The following MGAT4C variants were observed in gnomAD, a reference collection of about 807,000 sequenced individuals.
The protein encoded by MGAT4C is MGAT4 family member C.
MGAT4C carries 19 observed loss-of-function variants against 40.1 expected under a neutral mutation model. The observed-to-expected ratio is 0.47, with a 90% CI of 0.33 to 0.70. MGAT4C has a LOEUF of 0.70. Among genes scored for constraint, MGAT4C ranks in the 30% least tolerant of loss-of-function variants. The pLI is 0.02. For synonymous variants in MGAT4C, 181 were observed against 187.1 expected (o/e 0.97, Z 0.27); for missense variants, 491 against 563.2 (o/e 0.87, Z 1.30).
In MGAT4C at chr12:86,791,854, A is replaced by G. The variant is rs79880375; in HGVS notation, c.-262+46812T>C. 1.8e-3 allele frequency among the ~76,000 whole-genome samples: 279 copies of G among 152,326 alleles called. 4 individuals are homozygous for G. In the East Asian group the frequency reaches 0.039, roughly 21 times the overall value. On this transcript the variant is annotated intron_variant, in intron 1 of 7. Coordinates refer to the MGAT4C transcript ENST00000548651. ...TCCAGATGGAATTTGCCTAATAGCA[A>G]GAGAAGAACCCAACTTCATGGCTGG... is the stretch of plus-strand genomic sequence containing the variant.
rs192020425 is a variant in MGAT4C, at chr12:86,815,912, G to T, written c.-262+22754C>A. On this transcript the variant is annotated intron_variant, in intron 1 of 7. Transcript: ENST00000548651. ...ATGGAGCAGTGTATACTCCTTAGGC[G>T]ATGGGTGCAGCAAAATATCACAAAT... Among the ~76,000 whole-genome samples the T allele has an allele frequency of 5.7e-4, 87 of 151,904 alleles. 1 individual carries two copies. Among genetic ancestry groups the T allele is most frequent in the Non-Finnish European group, 8.8e-5 (6 of 67,912 alleles).
chr12:86,730,511 G>T (rs1014613276), intron 1 of MGAT4C, among the ~76,000 whole-genome samples: 2 of 152,002 alleles, frequency 1.3e-5, no homozygotes, highest in South Asian at 2.1e-4. Flanking sequence ...TAGGATAAAA[G>T]GAATCAGCTT....
chr12:86,584,050 C>CAAGAT (rs1960901712), intron 2 of MGAT4C, among the ~76,000 whole-genome samples: 1 of 150,562 alleles, frequency 6.6e-6, no homozygotes, highest in Admixed American at 6.7e-5. Context: ...TAAGGAATAA[C>CAAGAT]AAGGACGATA....
intron 1 of MGAT4C, among the ~76,000 whole-genome samples, chr12:86,176,433 A>G (rs1887439684): frequency 6.6e-6 from 1 of 152,140 alleles, no homozygotes; most frequent in Admixed American, 6.5e-5. Context: ...CTGTGCATAC[A>G]TATGTCCCAA....
At chr12:86,685,527 T>G (rs1237564776) in intron 2 of MGAT4C, among the ~76,000 whole-genome samples, 1 of 152,206 alleles carries the variant, frequency 6.6e-6, no homozygotes, top group Non-Finnish European at 1.5e-5. Flanking sequence ...CTTTTTTGGT[T>G]CCATATGAAA....
At chr12:86,217,533 T>C (rs1950720103) in intron 1 of MGAT4C, among the ~76,000 whole-genome samples, 1 of 152,190 alleles carries the variant, frequency 6.6e-6, no homozygotes, top group Non-Finnish European at 1.5e-5. Flanking sequence ...AATTGTACTA[T>C]GAGAAAGCAC....
chr12:85,968,591 G>A lies in MGAT4C; in HGVS notation c.*10698C>T, dbSNP rs191394482. On this transcript the variant is annotated 3_prime_UTR_variant, in exon 5 of 5. Transcript: ENST00000611864. ...CAGAATAATCTACGCTTGTCATCAT[G>A]TTTTCTAATCTATAATCTTTCAAAC... 3.3e-5 allele frequency: 5 copies of A among 152,052 alleles called. No individual in the cohort carries two copies. The highest frequency in any genetic ancestry group is 1.2e-4 in the African/African-American group (5 of 41,528). 9.4% of individuals were successfully genotyped at this position (152,052 alleles called of 1,614,324 possible).
chr12:86,630,672 T>C (rs1475737898), intron 2 of MGAT4C, among the ~76,000 whole-genome samples: 2 of 152,222 alleles, frequency 1.3e-5, no homozygotes, highest in Admixed American at 6.5e-5. Context: ...TCTCAATAGA[T>C]GCAGAGGAGG....
intron 1 of MGAT4C, among the ~76,000 whole-genome samples, chr12:86,771,897 G>T (rs1951646874): frequency 6.6e-6 from 1 of 151,938 alleles, no homozygotes; most frequent in Admixed American, 6.6e-5. Flanking sequence ...TTATAAATTT[G>T]GATATTTAGC....
rs552299272 is a variant in MGAT4C, at chr12:86,817,274, ATATT to A, written c.-262+21388_-262+21391del. ...ATTCACTTCACTTTTGATTGATAGAATATTTAAATTGTTTATTATTTTAACATAA... is the reference window on the plus strand; with the variant it reads ...ATTCACTTCACTTTTGATTGATAGAATAAATTGTTTATTATTTTAACATAA... On this transcript the variant is annotated intron_variant, in intron 1 of 7. Transcript: ENST00000548651. Among the ~76,000 whole-genome samples, 559 of 151,594 alleles carry A rather than the reference ATATT, an allele frequency of 3.7e-3. 1 individual carries two copies. Among genetic ancestry groups the A allele is most frequent in the African/African-American group, 0.013 (547 of 41,508 alleles).
chr12:86,739,819 CGTGT>C (rs981864521), intron 1 of MGAT4C, among the ~76,000 whole-genome samples: 1 of 150,018 alleles, frequency 6.7e-6, no homozygotes, highest in South Asian at 2.1e-4. Context: ...TGTGTGTGTG[CGTGT>C]GTGTGTATAT....
intron 2 of MGAT4C, among the ~76,000 whole-genome samples, chr12:86,526,275 A>G (rs1326666983): frequency 6.6e-6 from 1 of 151,996 alleles, no homozygotes; most frequent in Non-Finnish European, 1.5e-5. Context: ...TCCAACTGCC[A>G]TTGGTTGGTA....
intron 2 of MGAT4C, among the ~76,000 whole-genome samples, chr12:86,700,170 CAGACAGACAGATAGATAGATAGATAGAT>C (rs1248520257): frequency 9.6e-5 from 13 of 135,810 alleles, no homozygotes; most frequent in East Asian, 6.7e-4. Context: ...GACAGACAGA[CAGACAGACAGATAGATAGATAGATAGAT>C]AGATAGATAG....
At chr12:85,989,025 T>C (rs1009805507) in intron 3 of MGAT4C, among the ~76,000 whole-genome samples, 5 of 152,066 alleles carry the variant, frequency 3.3e-5, no homozygotes, top group African/African-American at 7.2e-5. Flanking sequence ...AGTGATAATA[T>C]AGAAAAGTAG....
chr12:86,590,251 TTGAAGCTCAGAGAAATTTTAAG>T, intron 2 of MGAT4C, among the ~76,000 whole-genome samples: 1 of 4,758 alleles, frequency 2.1e-4, no homozygotes, highest in Non-Finnish European at 1.1e-3. Flanking sequence ...AAGGATGAAA[TTGAAGCTCAGAGAAATTTTAAG>T]AATTTCCCTG....
intron 4 of MGAT4C, among the ~76,000 whole-genome samples, chr12:86,291,136 A>G (rs1375778391): frequency 6.6e-6 from 1 of 152,222 alleles, no homozygotes; most frequent in Non-Finnish European, 1.5e-5. Context: ...TGACAGCAAG[A>G]TAGCAAAGAA....
At chr12:86,835,722 A>G (rs900773423) in intron 1 of MGAT4C, among the ~76,000 whole-genome samples, 1 of 151,974 alleles carries the variant, frequency 6.6e-6, no homozygotes, top group Non-Finnish European at 1.5e-5. Flanking sequence ...TCACTTTTCA[A>G]TTTTATCTAT....
chr12:86,300,612 C>G (rs971239416), intron 4 of MGAT4C, among the ~76,000 whole-genome samples: 1 of 152,128 alleles, frequency 6.6e-6, no homozygotes, highest in African/African-American at 2.4e-5. Context: ...TAAGCAGCTT[C>G]AAGTTACATA....
chr12:86,699,676 A>G (rs2136611775), intron 2 of MGAT4C, among the ~76,000 whole-genome samples: 1 of 152,276 alleles, frequency 6.6e-6, no homozygotes, highest in South Asian at 2.1e-4. Context: ...ATATCATAGA[A>G]AATGGATTAA....
Sources: gnomAD v4.1 joint callset for allele counts (sites outside exome capture counted in the v4.1 genomes callset) on GRCh38, gnomAD v4.1.1 for gene constraint, MANE v1.5 for transcripts, NCBI Gene and HGNC (gene_info 2026-07-23, HGNC 2026-07-21) for gene names.